Variants in ADAMTS3 observed in about 807,000 individuals in gnomAD.
ADAMTS3 encodes the protein ADAM metallopeptidase with thrombospondin type 1 motif 3.
In ADAMTS3, 73 loss-of-function variants were observed where a neutral mutation model predicts 129.0. That is an observed-to-expected ratio of 0.57 (90% CI 0.47 to 0.69). The LOEUF (loss-of-function observed/expected upper bound fraction) is 0.69, where lower values mean the gene tolerates loss of function less well. Ranked by LOEUF, ADAMTS3 falls within the 30% of genes least tolerant of loss-of-function variation. ADAMTS3 has a pLI of 0.00. For missense variants in ADAMTS3, 1,457 were observed against 1,514.5 expected (o/e 0.96, Z 0.63); for synonymous variants, 477 against 510.8 (o/e 0.93, Z 0.89).
chr4:72,480,989 C>A (rs1719419598), intron 3 of ADAMTS3, among the ~76,000 whole-genome samples: 1 of 151,900 alleles, frequency 6.6e-6, no homozygotes, highest in Admixed American at 6.6e-5. Context: ...ATAGGTGAAA[C>A]TCTAACAAAA....
In ADAMTS3 at chr4:72,339,570, A is replaced by T. The variant is rs1214206096; in HGVS notation, c.785T>A (p.Leu262Gln). 6.2e-7 allele frequency: 1 copy of T among 1,614,008 alleles called. No individual in the cohort carries two copies. The change falls in exon 5 of 22, where the codon CTG (leucine) becomes CAG (glutamine). Residue 262 changes from leucine (L) to glutamine (Q), a missense_variant. By Grantham distance (113) the Leu-to-Gln change is moderately radical. Transcript: ENST00000286657. The stretch of plus-strand genomic sequence containing the variant: ...ACGGACCACAGAGTCATCCACTCCC[A>T]GCAGTACCTCGATATTGTAATCGTT... Reference protein sequence around the residue: ...GENDYNIEVLLGVDDSVVRFH... With the variant: ...GENDYNIEVLQGVDDSVVRFH...
chr4:72,314,451 C>G (rs182672125), intron 11 of ADAMTS3, among the ~76,000 whole-genome samples: 93 of 152,234 alleles, frequency 6.1e-4, no homozygotes, highest in African/African-American at 2.1e-3. Context: ...TACCAGAACC[C>G]TAATACTATA....
chr4:72,383,492 G>C (rs1395559703), intron 4 of ADAMTS3, among the ~76,000 whole-genome samples: 1 of 152,198 alleles, frequency 6.6e-6, no homozygotes, highest in Non-Finnish European at 1.5e-5. Context: ...GGTTGGGTAA[G>C]TGCAGTGGTC....
At chr4:72,335,584 T>C (rs900121074) in intron 5 of ADAMTS3, among the ~76,000 whole-genome samples, 1 of 152,194 alleles carries the variant, frequency 6.6e-6, no homozygotes, top group African/African-American at 2.4e-5. Flanking sequence ...CACTGTCTTT[T>C]TTTAATGATT....
intron 4 of ADAMTS3, among the ~76,000 whole-genome samples, chr4:72,369,436 C>T (rs796234925): frequency 7.2e-5 from 11 of 152,136 alleles, no homozygotes; most frequent in African/African-American, 2.4e-4. Flanking sequence ...TGTGACCGGG[C>T]GCGGTGGCTC....
At chr4:72,351,924 A>T (rs1205836934) in intron 4 of ADAMTS3, among the ~76,000 whole-genome samples, 1 of 151,934 alleles carries the variant, frequency 6.6e-6, no homozygotes, top group South Asian at 2.1e-4. Context: ...CAAGAAATAA[A>T]TTTTATAAAT....
At chr4:72,412,079 T>G (rs1268945414) in intron 4 of ADAMTS3, among the ~76,000 whole-genome samples, 14 of 152,076 alleles carry the variant, frequency 9.2e-5, no homozygotes, top group Admixed American at 5.2e-4. Context: ...GGGCAGAATA[T>G]TACATGGGCC....
At chr4:72,342,081 T>G (rs1720152196) in intron 4 of ADAMTS3, among the ~76,000 whole-genome samples, 1 of 152,180 alleles carries the variant, frequency 6.6e-6, no homozygotes, top group Non-Finnish European at 1.5e-5. Flanking sequence ...TAAGAGAAAT[T>G]GACATAGTTG....
intron 3 of ADAMTS3, among the ~76,000 whole-genome samples, chr4:72,462,949 G>C (rs1035547397): frequency 6.6e-6 from 1 of 152,062 alleles, no homozygotes; most frequent in South Asian, 2.1e-4. Context: ...GGAGTGTACA[G>C]TAATGTTTTA....
Position 72,526,733 on chromosome 4 carries a change from CATATATATATATATATATATATATATAT to C in ADAMTS3, c.504+21717_504+21744del, listed in dbSNP as rs36097990. 2.8e-3 allele frequency among the ~76,000 whole-genome samples: 277 copies of C among 99,084 alleles called. 2 individuals are homozygous for C. The highest frequency in any genetic ancestry group is 0.01 in the African/African-American group (248 of 24,744). The allele number at this position is 99,084 out of a possible 152,430, so 65.0% of individuals were successfully genotyped here. On this transcript the variant is annotated intron_variant, in intron 3 of 21. Coordinates refer to ENST00000286657, the MANE Select transcript of ADAMTS3 (RefSeq NM_014243.3). The stretch of plus-strand genomic sequence containing the variant: ...TAGAGACAGAAAAAATATATACATA[CATATATATATATATATATATATATATAT>C]ATATATATATATATATAGACAGAGA...
chr4:72,312,095 T>C lies in ADAMTS3; in HGVS notation c.1921+196A>G, dbSNP rs527600847. ...GGTGATAGTGCTGCTTGCCAGGAAC[T>C]ATTGCACCATTCTTACCTCTTTAGA... is the stretch of plus-strand genomic sequence containing the variant. On this transcript the variant is annotated intron_variant, in intron 13 of 21. Coordinates refer to ENST00000286657, the MANE Select transcript of ADAMTS3 (RefSeq NM_014243.3). 1.7e-4 allele frequency: 95 copies of C among 551,702 alleles called. 1 individual carries two copies. Among genetic ancestry groups the C allele is most frequent in the African/African-American group, 1.6e-3 (87 of 53,484 alleles). The allele number at this position is 551,702 out of a possible 1,614,324, so 34.2% of individuals were successfully genotyped here. A position where few individuals can be genotyped will look rare whatever the true frequency, so the allele number is the denominator to read the frequency against.
chr4:72,518,548 T>C (rs1343157354), intron 3 of ADAMTS3, among the ~76,000 whole-genome samples: 1 of 152,248 alleles, frequency 6.6e-6, no homozygotes, highest in East Asian at 1.9e-4. Flanking sequence ...ATATTTAGGA[T>C]AGTTAGCTCT....
intron 4 of ADAMTS3, among the ~76,000 whole-genome samples, chr4:72,401,566 C>CAAAAAAAA (rs374322807): frequency 3.5e-4 from 13 of 37,026 alleles, no homozygotes; most frequent in African/African-American, 9.5e-4. Flanking sequence ...TACTCTGTCT[C>CAAAAAAAA]AAAAAAAAAA....
In ADAMTS3 at chr4:72,283,176, T is replaced by A; in HGVS notation, c.3578A>T (p.Asp1193Val). The change falls in exon 22 of 22, where the codon GAC becomes GTC. Residue 1193 changes from aspartate to valine, a missense_variant. By Grantham distance (152) the Asp-to-Val change is radical (BLOSUM62 -3). Coordinates refer to ENST00000286657, the MANE Select transcript of ADAMTS3 (RefSeq NM_014243.3). ...GGATGATCTTGTCGGACGTCTGTTG[T>A]CAATGATCTTTCCATCTTTCTTTGA... ...RTSKKDGKII[D>V]NRRPTRSSTL... The A allele has an allele frequency of 6.2e-7, 1 of 1,613,498 alleles. No homozygotes were observed. The highest frequency in any genetic ancestry group is 8.5e-7 in the Non-Finnish European group (1 of 1,179,646).
chr4:72,509,067 C>T (rs527858251), intron 3 of ADAMTS3, among the ~76,000 whole-genome samples: 17 of 151,976 alleles, frequency 1.1e-4, no homozygotes, highest in African/African-American at 3.9e-4. Flanking sequence ...TGAAAAATTT[C>T]TTGAAACAAA....
At chr4:72,318,522 C>T (rs1199259850) in intron 10 of ADAMTS3, 50 bp downstream of exon 10, 18 of 1,597,424 alleles carry the variant, frequency 1.1e-5, no homozygotes, top group Non-Finnish European at 1.5e-5. Context: ...GCAGGAGCTA[C>T]ACAAATAGAT....
chr4:72,541,773 T>C (rs1267125123), intron 3 of ADAMTS3, among the ~76,000 whole-genome samples: 1 of 152,214 alleles, frequency 6.6e-6, no homozygotes, highest in Non-Finnish European at 1.5e-5. Context: ...TGTTCCTCCT[T>C]TGCCTTCCAC....
chr4:72,385,931 AT>A (rs897384883), intron 4 of ADAMTS3, among the ~76,000 whole-genome samples: 123 of 151,412 alleles, frequency 8.1e-4, no homozygotes, highest in Admixed American at 8.6e-4. Flanking sequence ...AAAATCAATG[AT>A]TTTTTTTTCC....
At chr4:72,496,508 A>G (rs1560538139) in intron 3 of ADAMTS3, among the ~76,000 whole-genome samples, 1 of 152,004 alleles carries the variant, frequency 6.6e-6, no homozygotes, top group Admixed American at 6.6e-5. Context: ...ATTAATCTTC[A>G]CAAGCATCCC....
Sources: gnomAD v4.1 joint callset for allele counts (sites outside exome capture counted in the v4.1 genomes callset) on GRCh38, gnomAD v4.1.1 for gene constraint, MANE v1.5 for transcripts, NCBI Gene and HGNC (gene_info 2026-07-23, HGNC 2026-07-21) for gene names.